Variants in PPP1R13B observed in about 807,000 individuals in gnomAD.
The protein encoded by PPP1R13B is protein phosphatase 1 regulatory subunit 13B, also known as apoptosis-stimulating of p53 protein 1.
PPP1R13B carries 44 observed loss-of-function variants against 119.8 expected under a neutral mutation model. That is an observed-to-expected ratio of 0.37 (90% CI 0.29 to 0.47). The LOEUF (loss-of-function observed/expected upper bound fraction) is 0.47. Ranked by LOEUF, PPP1R13B falls within the 20% of genes least tolerant of loss-of-function variation. The pLI is 0.99. For synonymous variants in PPP1R13B, 542 were observed against 561.5 expected (o/e 0.97, Z 0.49); for missense variants, 1,227 against 1,413.5 (o/e 0.87, Z 2.12).
At chr14:103,834,581 C>CTTT (rs1157222905) in intron 1 of PPP1R13B, among the ~76,000 whole-genome samples, 13 of 89,398 alleles carry the variant, frequency 1.5e-4, no homozygotes, top group African/African-American at 2.5e-4. Context: ...ATTTTAATGT[C>CTTT]TTTTTTTTTT....
At chr14:103,775,081 C>T (rs1055065763) in intron 4 of PPP1R13B, among the ~76,000 whole-genome samples, 1 of 152,130 alleles carries the variant, frequency 6.6e-6, no homozygotes, top group Non-Finnish European at 1.5e-5. Flanking sequence ...AAGGTCTCAT[C>T]ACATCAAAAC....
In PPP1R13B at chr14:103,845,669, A is replaced by C. The variant is rs115074211; in HGVS notation, c.9+1630T>G. On this transcript the variant is annotated intron_variant, in intron 1 of 16. Coordinates refer to ENST00000202556, the MANE Select transcript of PPP1R13B (RefSeq NM_015316.3). ...CTTAGCAGGATATTTATAATTAAAC[A>C]TTATACAACGACGAAGCCAGCCAAA... Among the ~76,000 whole-genome samples the C allele has an allele frequency of 6.5e-3, 991 of 152,296 alleles. 11 individuals are homozygous for C. Among genetic ancestry groups the C allele is most frequent in the African/African-American group, 0.023 (957 of 41,572 alleles).
intron 6 of PPP1R13B, among the ~76,000 whole-genome samples, chr14:103,753,429 T>C (rs547083408): frequency 2.4e-4 from 36 of 152,284 alleles, no homozygotes; most frequent in Non-Finnish European, 4.1e-4. Context: ...GGGTAATCAG[T>C]CCATAAGCTA....
chr14:103,776,280 G>A (rs2085193641), intron 4 of PPP1R13B, among the ~76,000 whole-genome samples: 1 of 151,900 alleles, frequency 6.6e-6, no homozygotes, highest in African/African-American at 2.4e-5. Flanking sequence ...CAAAGAGCAA[G>A]GTCCAGAGAT....
At chr14:103,782,209 C>A (rs1044847907) in intron 3 of PPP1R13B, among the ~76,000 whole-genome samples, 1 of 152,120 alleles carries the variant, frequency 6.6e-6, no homozygotes. Context: ...TAGATATGCA[C>A]ATTACTCTTT....
At chr14:103,825,217 C>T (rs1202734188) in intron 1 of PPP1R13B, among the ~76,000 whole-genome samples, 1 of 152,150 alleles carries the variant, frequency 6.6e-6, no homozygotes, top group Non-Finnish European at 1.5e-5. Flanking sequence ...CACCAACTGG[C>T]CATTCCCCCA....
intron 4 of PPP1R13B, among the ~76,000 whole-genome samples, chr14:103,776,033 C>T (rs2085178584): frequency 6.6e-6 from 1 of 151,760 alleles, no homozygotes; most frequent in Non-Finnish European, 1.5e-5. Flanking sequence ...TGGTTTTCAA[C>T]TTTATAACCA....
intron 3 of PPP1R13B, among the ~76,000 whole-genome samples, chr14:103,782,575 C>G (rs1286086353): frequency 6.6e-6 from 1 of 152,160 alleles, no homozygotes; most frequent in Non-Finnish European, 1.5e-5. Context: ...AAGGTGCCAA[C>G]CGCCTCCCAC....
chr14:103,749,785 T>G lies in PPP1R13B; in HGVS notation c.969+9A>C, dbSNP rs369261801. The stretch of plus-strand genomic sequence containing the variant: ...TAGTAGTTTATCTCACAAAAACTTT[T>G]TCACATGCCTGAATTTTTTTCCCAT... On this transcript the variant is annotated intron_variant, in intron 8 of 16. Coordinates refer to ENST00000202556, the MANE Select transcript of PPP1R13B (RefSeq NM_015316.3). The G allele has an allele frequency of 6.2e-7, 1 of 1,608,086 alleles. No individual in the cohort carries two copies. The highest frequency in any genetic ancestry group is 1.3e-5 in the African/African-American group (1 of 74,520).
At position 103,754,065 on chromosome 14, in the gene PPP1R13B, C is replaced by T. The variant is rs2084616276; in HGVS notation, c.631+5G>A. On this transcript the variant is annotated splice_donor_5th_base_variant and intron_variant, in intron 6 of 16. Transcript: ENST00000202556. ...TGGTGTCGAGGGGGTGTTGCAGGCACGTACACAGATTGCCGTTCATGATTT... is the reference window on the plus strand; with the variant it reads ...TGGTGTCGAGGGGGTGTTGCAGGCATGTACACAGATTGCCGTTCATGATTT... 3 of 1,613,712 alleles carry T rather than the reference C, an allele frequency of 1.9e-6. No homozygotes were observed. Among genetic ancestry groups the T allele is most frequent in the Non-Finnish European group, 2.5e-6 (3 of 1,179,812 alleles).
intron 4 of PPP1R13B, chr14:103,759,291 GT>G: frequency 6.9e-6 from 1 of 144,860 alleles, no homozygotes; most frequent in East Asian, 2.1e-4. Flanking sequence ...CCACCATTCT[GT>G]TTATCTAAAA....
At chr14:103,757,960 A>C (rs1364371011) in intron 4 of PPP1R13B, among the ~76,000 whole-genome samples, 3 of 152,226 alleles carry the variant, frequency 2.0e-5, no homozygotes, top group Non-Finnish European at 4.4e-5. Context: ...TAAACATCAG[A>C]TACCGTATTT....
chr14:103,831,867 C>T (rs925264026), intron 1 of PPP1R13B, among the ~76,000 whole-genome samples: 7 of 151,392 alleles, frequency 4.6e-5, no homozygotes, highest in Admixed American at 2.0e-4. Context: ...ACCTGGGAGG[C>T]GGAGGTTGCA....
At chr14:103,820,068 G>C (rs554239645) in intron 1 of PPP1R13B, among the ~76,000 whole-genome samples, 1 of 152,124 alleles carries the variant, frequency 6.6e-6, no homozygotes, top group East Asian at 1.9e-4. Context: ...AACGGGTACA[G>C]AGAGCTTAAA....
intron 4 of PPP1R13B, among the ~76,000 whole-genome samples, chr14:103,772,675 CTTT>C (rs200012700): frequency 5.7e-5 from 8 of 140,540 alleles, no homozygotes; most frequent in African/African-American, 7.8e-5. Context: ...GTTTCTTTTT[CTTT>C]TTTTTTTTTT....
chr14:103,844,098 C>G (rs2086971209), intron 1 of PPP1R13B, among the ~76,000 whole-genome samples: 1 of 151,888 alleles, frequency 6.6e-6, no homozygotes, highest in Non-Finnish European at 1.5e-5. Flanking sequence ...GAAACCCCGT[C>G]TCTACTAAAA....
chr14:103,751,577 T>C (rs902986131), intron 7 of PPP1R13B, among the ~76,000 whole-genome samples: 2 of 152,094 alleles, frequency 1.3e-5, no homozygotes, highest in Non-Finnish European at 2.9e-5. Context: ...CTAACCCCAT[T>C]GTAATGGTGT....
chr14:103,790,082 C>T (rs895821953), intron 2 of PPP1R13B, among the ~76,000 whole-genome samples: 1 of 151,510 alleles, frequency 6.6e-6, no homozygotes, highest in African/African-American at 2.4e-5. Flanking sequence ...CCTGTCTCTA[C>T]TAAAAATAAA....
chr14:103,795,783 C>T (rs989091144), intron 2 of PPP1R13B, among the ~76,000 whole-genome samples: 16 of 152,182 alleles, frequency 1.1e-4, no homozygotes, highest in African/African-American at 3.4e-4. Flanking sequence ...CAATTGAGGG[C>T]CTGTCCTTTT....
Sources: allele counts gnomAD v4.1 joint callset (sites outside exome capture counted in the v4.1 genomes callset), GRCh38; gene constraint gnomAD v4.1.1; transcripts MANE v1.5; gene names NCBI Gene and HGNC (gene_info 2026-07-23, HGNC 2026-07-21).